ARHGEF3: variants seen among roughly 807,000 people sequenced by gnomAD.
ARHGEF3 encodes the protein Rho guanine nucleotide exchange factor 3, also known as 59.8 kDA protein.
In ARHGEF3, 28 loss-of-function variants were observed where a neutral mutation model predicts 63.2. That is an observed-to-expected ratio of 0.44 (90% CI 0.33 to 0.61). The LOEUF (loss-of-function observed/expected upper bound fraction) is 0.61. Among genes scored for constraint, ARHGEF3 ranks in the 20% least tolerant of loss-of-function variants. The probability of loss-of-function intolerance (pLI) is 0.03; values close to 1 mark genes in which losing one functional copy is unlikely to be tolerated. For synonymous variants in ARHGEF3, 266 were observed against 254.2 expected (o/e 1.05, Z -0.44); for missense variants, 533 against 659.3 (o/e 0.81, Z 2.10).
intron 1 of ARHGEF3, among the ~76,000 whole-genome samples, chr3:57,043,491 A>T (rs1579156053): frequency 4.8e-4 from 4 of 8,416 alleles, no homozygotes; most frequent in African/African-American, 7.5e-4. Flanking sequence ...TTTCAAAGTT[A>T]AAAAAAAAAA....
chr3:56,875,241 A>G (rs190452866), intron 4 of ARHGEF3, among the ~76,000 whole-genome samples: 8 of 152,314 alleles, frequency 5.3e-5, no homozygotes, highest in Admixed American at 1.3e-4. Context: ...GTTGCTATGT[A>G]TCTAATGAGT....
intron 3 of ARHGEF3, among the ~76,000 whole-genome samples, chr3:56,934,986 C>T (rs1053368865): frequency 6.6e-6 from 1 of 152,230 alleles, no homozygotes; most frequent in African/African-American, 2.4e-5. Flanking sequence ...GTAAACACAC[C>T]AATCAGCACC....
At chr3:56,749,237 T>G (rs1432621110) in intron 6 of ARHGEF3, among the ~76,000 whole-genome samples, 2 of 152,210 alleles carry the variant, frequency 1.3e-5, no homozygotes, top group Non-Finnish European at 2.9e-5. Flanking sequence ...AGCATCCAGA[T>G]AGCAATGGGC....
intron 2 of ARHGEF3, among the ~76,000 whole-genome samples, chr3:56,767,986 G>A (rs1267327695): frequency 6.6e-6 from 1 of 151,930 alleles, no homozygotes; most frequent in Non-Finnish European, 1.5e-5. Flanking sequence ...GACCTCAAGC[G>A]ATCCACCTGC....
intron 2 of ARHGEF3, among the ~76,000 whole-genome samples, chr3:56,997,337 G>C (rs1007371713): frequency 3.3e-5 from 5 of 152,184 alleles, no homozygotes; most frequent in African/African-American, 1.2e-4. Flanking sequence ...CTGCAGAGCA[G>C]GGTCCACATT....
At position 56,856,660 on chromosome 3, in the gene ARHGEF3, A is replaced by G. The variant is rs1175892564; in HGVS notation, c.192+25632T>C. On this transcript the variant is annotated intron_variant, in intron 4 of 12. Transcript: ENST00000338458. Reference sequence around the variant, plus strand: ...CATTTGCTTATACCTCTTGTTTTAGAATTTTCCTAAAGTGAGCCAAATTCT... The same window carrying G: ...CATTTGCTTATACCTCTTGTTTTAGGATTTTCCTAAAGTGAGCCAAATTCT... Among the ~76,000 whole-genome samples the G allele has an allele frequency of 2.7e-5, 4 of 147,966 alleles. No individual in the cohort carries two copies. The Admixed American group carries it at 2.7e-4, about 10-fold the overall frequency.
chr3:56,738,970 C>T (rs1417263271), intron 7 of ARHGEF3, among the ~76,000 whole-genome samples: 1 of 152,040 alleles, frequency 6.6e-6, no homozygotes, highest in East Asian at 1.9e-4. Flanking sequence ...TGGTGCCCAC[C>T]TATCATTCCA....
intron 1 of ARHGEF3, among the ~76,000 whole-genome samples, chr3:57,056,438 G>A (rs886588794): frequency 1.3e-5 from 2 of 150,664 alleles, no homozygotes; most frequent in Admixed American, 1.3e-4. Flanking sequence ...AAGTGATCAT[G>A]GGGAGCCTCC....
intron 1 of ARHGEF3, among the ~76,000 whole-genome samples, chr3:56,792,103 C>CAAAAAAAAAAAAAAA (rs1553755406): frequency 2.2e-5 from 2 of 91,356 alleles, no homozygotes; most frequent in Non-Finnish European, 2.2e-5. Context: ...GACTCTGTCT[C>CAAAAAAAAAAAAAAA]AAAAAAAAAA....
chr3:56,821,651 C>T (rs978963392), intron 4 of ARHGEF3, among the ~76,000 whole-genome samples: 1 of 152,084 alleles, frequency 6.6e-6, no homozygotes, highest in Non-Finnish European at 1.5e-5. Context: ...AGCCCAATAT[C>T]TCTACATGTG....
chr3:56,991,696 G>A (rs906123004), intron 2 of ARHGEF3, among the ~76,000 whole-genome samples: 1 of 152,116 alleles, frequency 6.6e-6, no homozygotes, highest in East Asian at 1.9e-4. Context: ...TTCACTGAAG[G>A]CTCTGCCTCC....
At chr3:56,739,426 G>T (rs2033865837) in intron 7 of ARHGEF3, among the ~76,000 whole-genome samples, 1 of 148,896 alleles carries the variant, frequency 6.7e-6, no homozygotes, top group Non-Finnish European at 1.5e-5. Context: ...GTTGAGACAG[G>T]GTCTCATTCT....
chr3:56,906,378 G>A (rs148801436), intron 3 of ARHGEF3, among the ~76,000 whole-genome samples: 5 of 152,288 alleles, frequency 3.3e-5, no homozygotes, highest in East Asian at 1.9e-4. Flanking sequence ...CGCAGTGTCC[G>A]ATGGCTACCG....
chr3:56,773,596 T>C (rs758330081), intron 2 of ARHGEF3, 113 bp downstream of exon 2: 31 of 885,820 alleles, frequency 3.5e-5, no homozygotes, highest in Non-Finnish European at 5.0e-5. Flanking sequence ...TCTATTGAAA[T>C]AAGCATTGAT....
At chr3:56,839,488 G>A (rs761030794) in intron 4 of ARHGEF3, among the ~76,000 whole-genome samples, 22 of 152,150 alleles carry the variant, frequency 1.4e-4, no homozygotes, top group Non-Finnish European at 2.8e-4. Context: ...TCCTGATTTT[G>A]ACAGATACAC....
intron 4 of ARHGEF3, among the ~76,000 whole-genome samples, chr3:56,827,040 T>C (rs2038740174): frequency 6.6e-6 from 1 of 152,152 alleles, no homozygotes; most frequent in Non-Finnish European, 1.5e-5. Flanking sequence ...CTTTCCCTAG[T>C]GTAGGAAAGA....
chr3:57,066,347 C>T (rs1472421317), intron 1 of ARHGEF3, among the ~76,000 whole-genome samples: 6 of 152,022 alleles, frequency 3.9e-5, no homozygotes, highest in East Asian at 1.9e-4. Context: ...CCGCAACCTC[C>T]GCCTCCCAGG....
intron 4 of ARHGEF3, among the ~76,000 whole-genome samples, chr3:56,861,887 C>G (rs982875558): frequency 1.4e-5 from 2 of 142,810 alleles, no homozygotes; most frequent in African/African-American, 5.2e-5. Flanking sequence ...TTTTTTAACT[C>G]TCTCTCTACC....
At chr3:57,033,693 C>T (rs1180639734) in intron 2 of ARHGEF3, among the ~76,000 whole-genome samples, 4 of 151,980 alleles carry the variant, frequency 2.6e-5, no homozygotes, top group African/African-American at 9.7e-5. Context: ...AAATGGGAGT[C>T]AATGGGGATT....
Sources: allele counts gnomAD v4.1 joint callset (sites outside exome capture counted in the v4.1 genomes callset), GRCh38; gene constraint gnomAD v4.1.1; transcripts MANE v1.5; gene names NCBI Gene and HGNC (gene_info 2026-07-23, HGNC 2026-07-21).